Variants in CCSER1 observed in about 807,000 individuals in gnomAD.
The protein encoded by CCSER1 is serine-rich coiled-coil domain-containing protein 1.
Under a neutral mutation model 82.0 loss-of-function variants are expected in CCSER1, and 41 were observed. The observed-to-expected ratio is 0.50, with a 90% CI of 0.39 to 0.65. The LOEUF (loss-of-function observed/expected upper bound fraction) is 0.65, where lower values mean the gene tolerates loss of function less well. Ranked by LOEUF, CCSER1 falls within the 30% of genes least tolerant of loss-of-function variation. The probability of loss-of-function intolerance (pLI) is 0.00; values close to 1 mark genes in which losing one functional copy is unlikely to be tolerated. For synonymous variants in CCSER1, 414 were observed against 383.9 expected (o/e 1.08, Z -0.92); for missense variants, 1,119 against 1,064.2 (o/e 1.05, Z -0.72).
At chr4:91,038,111 A>C (rs2150571194) in intron 9 of CCSER1, among the ~76,000 whole-genome samples, 1 of 152,296 alleles carries the variant, frequency 6.6e-6, no homozygotes, top group Non-Finnish European at 1.5e-5. Flanking sequence ...GAGTTTCTTT[A>C]CCAGCCAGGC....
chr4:91,248,178 T>C (rs1739961287), intron 10 of CCSER1, among the ~76,000 whole-genome samples: 1 of 152,162 alleles, frequency 6.6e-6, no homozygotes, highest in Non-Finnish European at 1.5e-5. Flanking sequence ...AAGTATAAGA[T>C]AAATACCCAC....
chr4:90,536,092 G>T (rs573544388), intron 5 of CCSER1, among the ~76,000 whole-genome samples: 1 of 147,370 alleles, frequency 6.8e-6, no homozygotes, highest in South Asian at 2.1e-4. Flanking sequence ...GAGTGCAGTG[G>T]TGAGATCTCA....
chr4:90,817,193 G>A (rs951908042), intron 8 of CCSER1, among the ~76,000 whole-genome samples: 1 of 151,848 alleles, frequency 6.6e-6, no homozygotes, highest in African/African-American at 2.4e-5. Context: ...AAATATCTTT[G>A]AGTTGACTAA....
At chr4:90,863,502 C>T (rs1765345709) in intron 8 of CCSER1, among the ~76,000 whole-genome samples, 2 of 151,818 alleles carry the variant, frequency 1.3e-5, no homozygotes, top group South Asian at 4.1e-4. Flanking sequence ...TTCTATTATA[C>T]ACCCTTTTCG....
intron 4 of CCSER1, among the ~76,000 whole-genome samples, chr4:90,461,053 ATTTTTTTTTTTTTTTTTT>A (rs397880822): frequency 2.0e-5 from 1 of 49,714 alleles, no homozygotes; most frequent in South Asian, 1.2e-3. Context: ...TGCCCAGGCT[ATTTTTTTTTTTTTTTTTT>A]TTTTTTTTTT....
At chr4:90,759,988 A>T (rs1401321666) in intron 7 of CCSER1, among the ~76,000 whole-genome samples, 1 of 151,970 alleles carries the variant, frequency 6.6e-6, no homozygotes, top group Non-Finnish European at 1.5e-5. Flanking sequence ...AATATTGTAA[A>T]ATATTATAAA....
At chr4:91,072,810 G>A (rs1221644466) in intron 9 of CCSER1, among the ~76,000 whole-genome samples, 1 of 151,856 alleles carries the variant, frequency 6.6e-6, no homozygotes, top group East Asian at 1.9e-4. Flanking sequence ...TAATTGTGAG[G>A]TATAAAAAAA....
intron 5 of CCSER1, among the ~76,000 whole-genome samples, chr4:90,528,412 A>G (rs371044465): frequency 1.3e-5 from 2 of 152,194 alleles, no homozygotes; most frequent in Admixed American, 6.5e-5. Context: ...AATAAAACAC[A>G]AATAAATATG....
chr4:90,932,921 A>C, intron 9 of CCSER1, among the ~76,000 whole-genome samples: 1 of 24,154 alleles, frequency 4.1e-5, no homozygotes, highest in South Asian at 1.1e-3. Flanking sequence ...AAAGAAAGAA[A>C]GAAAGAAAGA....
At chr4:90,513,740 C>CG (rs977101871) in intron 5 of CCSER1, among the ~76,000 whole-genome samples, 4 of 151,658 alleles carry the variant, frequency 2.6e-5, no homozygotes, top group African/African-American at 9.7e-5. Flanking sequence ...GGCTTAAGAA[C>CG]GGGGGAGGTA....
intron 10 of CCSER1, among the ~76,000 whole-genome samples, chr4:91,121,530 T>A (rs1198251361): frequency 1.3e-5 from 2 of 151,694 alleles, no homozygotes; most frequent in African/African-American, 4.8e-5. Flanking sequence ...TAATGCCCAA[T>A]GTAAATAAAG....
intron 1 of CCSER1, among the ~76,000 whole-genome samples, chr4:90,196,190 C>CT (rs1460707979): frequency 6.6e-6 from 1 of 150,524 alleles, no homozygotes; most frequent in South Asian, 2.1e-4. Flanking sequence ...TTTGAGAAAG[C>CT]TTTTTTCTCT....
At chr4:90,874,018 C>T (rs187985518) in intron 8 of CCSER1, among the ~76,000 whole-genome samples, 343 of 152,156 alleles carry the variant, frequency 2.3e-3, no homozygotes, top group Middle Eastern at 0.01. Context: ...TACTCTATTT[C>T]GAGGTGAAAG....
chr4:91,220,864 T>C (rs902302590), intron 10 of CCSER1, among the ~76,000 whole-genome samples: 1 of 152,112 alleles, frequency 6.6e-6, no homozygotes, highest in African/African-American at 2.4e-5. Flanking sequence ...TATATACATA[T>C]ATATCAAAAT....
At position 90,418,972 on chromosome 4, in the gene CCSER1, A is replaced by G. The variant is rs909693270; in HGVS notation, c.1603+18843A>G. Among the ~76,000 whole-genome samples, 14 of 152,090 alleles carry G rather than the reference A, an allele frequency of 9.2e-5. 1 individual carries two copies. In the Middle Eastern group the frequency reaches 0.01, roughly 111 times the overall value. ...CAGAAAGTGTTATCATTCTCTCTTC[A>G]TAGATGAAGGAAGAGAAACCCAGAA... On this transcript the variant is annotated intron_variant, in intron 4 of 10. Coordinates refer to ENST00000509176, the MANE Select transcript of CCSER1 (RefSeq NM_001145065.2).
At position 90,691,690 on chromosome 4, in the gene CCSER1, T is replaced by G. The variant is rs528106885; in HGVS notation, c.1933-32224T>G. On this transcript the variant is annotated intron_variant, in intron 6 of 10. Coordinates refer to ENST00000509176, the MANE Select transcript of CCSER1 (RefSeq NM_001145065.2). ...GTACGTGTGTATCTATGTGTATATA[T>G]ATACACACATATATGTTATTTTATT... 5.1e-4 allele frequency among the ~76,000 whole-genome samples: 71 copies of G among 138,638 alleles called. No homozygotes were observed. In the East Asian group the frequency reaches 0.014, roughly 27 times the overall value. The allele number at this position is 138,638 out of a possible 152,430, so 91.0% of individuals were successfully genotyped here.
chr4:90,890,070 A>G (rs571092040), intron 8 of CCSER1, among the ~76,000 whole-genome samples: 2 of 152,286 alleles, frequency 1.3e-5, no homozygotes, highest in East Asian at 3.9e-4. Flanking sequence ...GATTTTAAAA[A>G]AAGTCAAAAT....
At chr4:90,939,234 C>T (rs1731313504) in intron 9 of CCSER1, among the ~76,000 whole-genome samples, 1 of 152,022 alleles carries the variant, frequency 6.6e-6, no homozygotes, top group Non-Finnish European at 1.5e-5. Context: ...AATATGAAAG[C>T]AGTATGTCTT....
intron 10 of CCSER1, among the ~76,000 whole-genome samples, chr4:91,538,426 C>G (rs559222932): frequency 6.6e-6 from 1 of 151,528 alleles, no homozygotes; most frequent in South Asian, 2.1e-4. Context: ...AAAAGATTTT[C>G]TTCATGACCA....
Sources: allele counts gnomAD v4.1 joint callset (sites outside exome capture counted in the v4.1 genomes callset), GRCh38; gene constraint gnomAD v4.1.1; transcripts MANE v1.5; gene names NCBI Gene and HGNC (gene_info 2026-07-23, HGNC 2026-07-21).